TBC1D32: variants seen among roughly 807,000 people sequenced by gnomAD.
The protein encoded by TBC1D32 is protein broad-minded.
Under a neutral mutation model 170.3 loss-of-function variants are expected in TBC1D32, and 151 were observed. The observed-to-expected ratio is 0.89, with a 90% confidence interval of 0.78 to 1.01. The LOEUF (loss-of-function observed/expected upper bound fraction) is 1.01, where lower values mean the gene tolerates loss of function less well. Among genes scored for constraint, TBC1D32 ranks in the 50% least tolerant of loss-of-function variants. The pLI is 0.00. For missense variants in TBC1D32, 1,464 were observed against 1,457.1 expected (o/e 1.00, Z -0.08); for synonymous variants, 498 against 488.0 (o/e 1.02, Z -0.27).
chr6:121,333,697 A>G (rs374823350), intron 1 of TBC1D32, among the ~76,000 whole-genome samples: 1 of 152,336 alleles, frequency 6.6e-6, no homozygotes. Flanking sequence ...AATAATTTAT[A>G]ATTAATATTA....
intron 11 of TBC1D32, among the ~76,000 whole-genome samples, chr6:121,293,291 A>T (rs1805143266): frequency 6.6e-6 from 1 of 152,088 alleles, no homozygotes; most frequent in African/African-American, 2.4e-5. Context: ...AAATGAGATA[A>T]CATATGAACT....
intron 25 of TBC1D32, among the ~76,000 whole-genome samples, chr6:121,126,801 TGCATAACAAAAAAAAA>T (rs1412989701): frequency 2.0e-5 from 3 of 152,106 alleles, no homozygotes; most frequent in African/African-American, 4.8e-5. Flanking sequence ...TTGTTCTTTA[TGCATAACAAAAAAAAA>T]GTATTAGTGG....
At chr6:121,278,691 T>C (rs771780850) in intron 15 of TBC1D32, among the ~76,000 whole-genome samples, 1 of 152,140 alleles carries the variant, frequency 6.6e-6, no homozygotes, top group Non-Finnish European at 1.5e-5. Context: ...GTATAAAATA[T>C]AATACCATTT....
At chr6:121,198,708 GC>G (rs1486546711) in intron 22 of TBC1D32, among the ~76,000 whole-genome samples, 1 of 150,990 alleles carries the variant, frequency 6.6e-6, no homozygotes, top group Admixed American at 6.6e-5. Context: ...CCGAGATCCC[GC>G]CACTGCACTC....
intron 22 of TBC1D32, among the ~76,000 whole-genome samples, chr6:121,183,750 T>A (rs745759080): frequency 6.6e-6 from 1 of 152,104 alleles, no homozygotes; most frequent in Non-Finnish European, 1.5e-5. Context: ...ATTTATGAAC[T>A]GTATGTATAC....
intron 22 of TBC1D32, among the ~76,000 whole-genome samples, chr6:121,198,246 TTA>T (rs1189266336): frequency 2.7e-4 from 32 of 118,920 alleles, no homozygotes; most frequent in South Asian, 5.2e-4. Context: ...AATATATATA[TTA>T]TATATATATA....
At chr6:121,278,061 A>G (rs1217463242) in intron 15 of TBC1D32, among the ~76,000 whole-genome samples, 4 of 152,116 alleles carry the variant, frequency 2.6e-5, no homozygotes, top group African/African-American at 9.7e-5. Flanking sequence ...TTCACATAAG[A>G]GCAAGTAGGC....
intron 3 of TBC1D32, among the ~76,000 whole-genome samples, 174 bp from the exon 4 acceptor site, chr6:121,311,021 G>A (rs1346252209): frequency 6.6e-6 from 1 of 152,122 alleles, no homozygotes; most frequent in African/African-American, 2.4e-5. Flanking sequence ...TTTTAAATGG[G>A]AACTGAATGT....
intron 26 of TBC1D32, among the ~76,000 whole-genome samples, chr6:121,125,738 T>A (rs1166163576): frequency 6.6e-6 from 1 of 152,168 alleles, no homozygotes; most frequent in Non-Finnish European, 1.5e-5. Flanking sequence ...GGATCTGCTA[T>A]GAGATAGAAG....
At chr6:121,191,037 G>A (rs1159784581) in intron 22 of TBC1D32, among the ~76,000 whole-genome samples, 1 of 19,222 alleles carries the variant, frequency 5.2e-5, no homozygotes. Flanking sequence ...TACAATGTGT[G>A]TATGCATATA....
chr6:121,160,810 CTAAA>C, intron 23 of TBC1D32, 134 bp downstream of exon 23: 1 of 685,706 alleles, frequency 1.5e-6, no homozygotes, highest in East Asian at 2.7e-5. Flanking sequence ...TATTTGCATC[CTAAA>C]TATTCTCAAG....
At chr6:121,296,935 C>T (rs909103663) in intron 10 of TBC1D32, among the ~76,000 whole-genome samples, 13 of 152,072 alleles carry the variant, frequency 8.5e-5, no homozygotes, top group South Asian at 2.1e-4. Context: ...AAGACTCTTT[C>T]GTTCATTTGA....
At chr6:121,103,960 T>C (rs1166672827) in intron 30 of TBC1D32, among the ~76,000 whole-genome samples, 1 of 151,884 alleles carries the variant, frequency 6.6e-6, no homozygotes, top group Non-Finnish European at 1.5e-5. Flanking sequence ...TTCTAAAAAA[T>C]GTTTTAGGTA....
At chr6:121,174,599 G>A (rs111592499) in intron 22 of TBC1D32, among the ~76,000 whole-genome samples, 2 of 152,060 alleles carry the variant, frequency 1.3e-5, no homozygotes, top group African/African-American at 2.4e-5. Flanking sequence ...CAGAACAGTA[G>A]GACAAAACTG....
At chr6:121,151,202 G>A (rs1040509376) in intron 24 of TBC1D32, among the ~76,000 whole-genome samples, 11 of 151,854 alleles carry the variant, frequency 7.2e-5, no homozygotes, top group African/African-American at 2.7e-4. Context: ...GGTACATTGT[G>A]TCTATTCTCA....
chr6:121,293,129 C>T (rs1180405400), intron 11 of TBC1D32, among the ~76,000 whole-genome samples: 4 of 145,830 alleles, frequency 2.7e-5, no homozygotes, highest in Non-Finnish European at 4.5e-5. Flanking sequence ...TTTTTAAAAA[C>T]ATGGCAAAAA....
At chr6:121,114,868 T>TA (rs1257413947) in intron 27 of TBC1D32, among the ~76,000 whole-genome samples, 1 of 152,196 alleles carries the variant, frequency 6.6e-6, no homozygotes, top group African/African-American at 2.4e-5. Flanking sequence ...TAGAAAATAG[T>TA]ATGACTGTGT....
chr6:121,231,314 C>T (rs79970500), intron 20 of TBC1D32, among the ~76,000 whole-genome samples: 9,828 of 152,176 alleles, frequency 0.065, 620 homozygotes, highest in Admixed American at 0.21. Flanking sequence ...ATTTTCTTTA[C>T]TCATTGATTG....
chr6:121,211,112 A>T (rs1258878041), intron 21 of TBC1D32, among the ~76,000 whole-genome samples: 1 of 152,080 alleles, frequency 6.6e-6, no homozygotes, highest in East Asian at 1.9e-4. Flanking sequence ...GATAAACTCT[A>T]GCACATCCAC....
Sources: gnomAD v4.1 joint callset for allele counts (sites outside exome capture counted in the v4.1 genomes callset) on GRCh38, gnomAD v4.1.1 for gene constraint, MANE v1.5 for transcripts, NCBI Gene and HGNC (gene_info 2026-07-23, HGNC 2026-07-21) for gene names.